Variants in CELF4 observed in about 807,000 individuals in gnomAD.
CELF4 encodes the protein CUG-BP- and ETR-3-like factor 4.
CELF4 carries 18 observed loss-of-function variants against 59.9 expected under a neutral mutation model. That is an observed-to-expected ratio of 0.30 (90% confidence interval 0.21 to 0.45). CELF4 has a LOEUF of 0.45. Among genes scored for constraint, CELF4 ranks in the 20% least tolerant of loss-of-function variants. The pLI is 1.00. For synonymous variants in CELF4, 261 were observed against 267.1 expected (o/e 0.98, Z 0.22); for missense variants, 456 against 689.0 (o/e 0.66, Z 3.79).
chr18:37,393,590 C>T (rs1159977703), intron 2 of CELF4, among the ~76,000 whole-genome samples: 1 of 152,168 alleles, frequency 6.6e-6, no homozygotes, highest in Admixed American at 6.5e-5. Flanking sequence ...CCCCACATCC[C>T]CCGAGGGGAC....
intron 1 of CELF4, among the ~76,000 whole-genome samples, chr18:37,522,965 A>C (rs2099959297): frequency 6.6e-6 from 1 of 152,174 alleles, no homozygotes; most frequent in African/African-American, 2.4e-5. Flanking sequence ...TCCAGTGTGG[A>C]GAGCCACGGG....
intron 2 of CELF4, among the ~76,000 whole-genome samples, chr18:37,370,221 G>C (rs918833293): frequency 1.3e-5 from 2 of 152,164 alleles, no homozygotes; most frequent in Non-Finnish European, 2.9e-5. Context: ...TGAGGGACTA[G>C]TTGTCCTGCT....
rs531424720 is a variant in CELF4, at chr18:37,361,624, G to A, written c.370-39743C>T. 3.9e-5 allele frequency among the ~76,000 whole-genome samples: 6 copies of A among 152,304 alleles called. No individual in the cohort carries two copies. In the South Asian group the frequency reaches 8.3e-4, roughly 21 times the overall value. On this transcript the variant is annotated intron_variant, in intron 2 of 12. Transcript: ENST00000420428. ...GGGTGTGGCCTGGAGCAGTGCCTGG[G>A]CCCCACCCAAGTGTGGAGGTGGGGA...
intron 1 of CELF4, chr18:37,529,054 G>C (rs1032230777): frequency 6.6e-6 from 1 of 152,130 alleles, no homozygotes; most frequent in South Asian, 2.1e-4. Context: ...GGATGACCCA[G>C]GTGGAGGTGG....
At chr18:37,430,735 C>T (rs2099644028) in intron 2 of CELF4, among the ~76,000 whole-genome samples, 1 of 152,186 alleles carries the variant, frequency 6.6e-6, no homozygotes, top group South Asian at 2.1e-4. Flanking sequence ...GCTCGGGCCC[C>T]CTGGTAGCTA....
chr18:37,329,538 G>C (rs918990942), intron 2 of CELF4, among the ~76,000 whole-genome samples: 7 of 152,158 alleles, frequency 4.6e-5, no homozygotes, highest in Admixed American at 4.6e-4. Context: ...GGCCTCTTTT[G>C]GCTGGCCAGA....
intron 2 of CELF4, among the ~76,000 whole-genome samples, chr18:37,456,480 G>A (rs1443700530): frequency 6.6e-6 from 1 of 152,162 alleles, no homozygotes; most frequent in Non-Finnish European, 1.5e-5. Flanking sequence ...AGCCCTGCAC[G>A]TCTGACAGCG....
chr18:37,421,947 T>G (rs1344768833), intron 2 of CELF4, among the ~76,000 whole-genome samples: 1 of 152,234 alleles, frequency 6.6e-6, no homozygotes, highest in Non-Finnish European at 1.5e-5. Context: ...AGCAGCAGAA[T>G]GTGAGCAAAC....
chr18:37,430,026 C>A (rs1428664309), intron 2 of CELF4, among the ~76,000 whole-genome samples: 1 of 152,230 alleles, frequency 6.6e-6, no homozygotes, highest in Non-Finnish European at 1.5e-5. Context: ...GTCTCAGGCA[C>A]CTCCTCCTTC....
intron 1 of CELF4, among the ~76,000 whole-genome samples, chr18:37,515,850 A>G (rs2099950103): frequency 6.6e-6 from 1 of 152,092 alleles, no homozygotes; most frequent in Admixed American, 6.6e-5. Flanking sequence ...CAGATCCTGA[A>G]AGGCTGGAGT....
At chr18:37,548,987 C>T (rs781538831) in intron 1 of CELF4, among the ~76,000 whole-genome samples, 6 of 152,128 alleles carry the variant, frequency 3.9e-5, no homozygotes, top group Non-Finnish European at 7.3e-5. Flanking sequence ...CAGTCACATG[C>T]GGACCGTCCA....
chr18:37,541,635 G>GC, intron 1 of CELF4, among the ~76,000 whole-genome samples: 1 of 151,858 alleles, frequency 6.6e-6, no homozygotes, highest in Middle Eastern at 3.2e-3. Flanking sequence ...GATACAACCT[G>GC]CCCCCACCAG....
At position 37,253,976 on chromosome 18, in the gene CELF4, G is replaced by A. The variant is rs368394640; in HGVS notation, c.1334-38C>T. 1.2e-5 allele frequency: 18 copies of A among 1,555,738 alleles called. No homozygotes were observed. Among genetic ancestry groups the A allele is most frequent in the Middle Eastern group, 4.7e-4 (2 of 4,240 alleles). On this transcript the variant is annotated intron_variant, in intron 11 of 12. Transcript: ENST00000420428. The surrounding 1 kb of genome is among the most constrained non-coding windows in gnomAD (Gnocchi z 4.5). The stretch of plus-strand genomic sequence containing the variant: ...GAGGGACGAGGGCCTGGGTTTCCAC[G>A]GGGCCGCCCGGGGCGCTGCCGGCGG...
chr18:37,295,714 T>A, intron 3 of CELF4, among the ~76,000 whole-genome samples: 1 of 152,242 alleles, frequency 6.6e-6, no homozygotes. Context: ...TGATCTGTAC[T>A]TCACATCCCC....
intron 3 of CELF4, among the ~76,000 whole-genome samples, chr18:37,318,191 C>G (rs1318514163): frequency 1.3e-5 from 2 of 152,146 alleles, no homozygotes; most frequent in African/African-American, 2.4e-5. Flanking sequence ...GACCCTCCCC[C>G]TCCTTCTGCG....
chr18:37,528,564 G>C (rs977973337), intron 1 of CELF4, among the ~76,000 whole-genome samples: 1 of 152,200 alleles, frequency 6.6e-6, no homozygotes, highest in Non-Finnish European at 1.5e-5. Context: ...GCAAAGCCAG[G>C]AATCAAGGTG....
chr18:37,333,475 CT>C (rs1347057837), intron 2 of CELF4, among the ~76,000 whole-genome samples: 2 of 152,160 alleles, frequency 1.3e-5, no homozygotes, highest in African/African-American at 4.8e-5. Context: ...TAACATTTGA[CT>C]TTTCCCTTTC....
At position 37,553,615 on chromosome 18, in the gene CELF4, A is replaced by G. The variant is rs1461648554; in HGVS notation, c.286+11741T>C. Among the ~76,000 whole-genome samples the G allele has an allele frequency of 9.2e-5, 14 of 152,340 alleles. No individual in the cohort carries two copies. The South Asian group carries it at 2.3e-3, about 25-fold the overall frequency. ...AAACAAAACTCACATGGATACAGAAATGACAATACTTTTTGGGTTTTCTGA... is the reference window on the plus strand; with the variant it reads ...AAACAAAACTCACATGGATACAGAAGTGACAATACTTTTTGGGTTTTCTGA... On this transcript the variant is annotated intron_variant, in intron 1 of 12. Transcript: ENST00000420428.
intron 3 of CELF4, among the ~76,000 whole-genome samples, chr18:37,292,357 G>A (rs1461595161): frequency 6.6e-6 from 1 of 152,220 alleles, no homozygotes; most frequent in Middle Eastern, 3.2e-3. Flanking sequence ...ATCCAAAGAA[G>A]TGGAGGATTG....
Sources: allele counts gnomAD v4.1 joint callset (sites outside exome capture counted in the v4.1 genomes callset), GRCh38; gene constraint gnomAD v4.1.1; non-coding constraint Gnocchi (gnomAD v3.1); transcripts MANE v1.5; gene names NCBI Gene and HGNC (gene_info 2026-07-23, HGNC 2026-07-21).